The following SLC16A14 variants were observed in gnomAD, a reference collection of about 807,000 sequenced individuals.
The protein encoded by SLC16A14 is monocarboxylate transporter 14.
A neutral mutation model predicts 35.8 loss-of-function variants in SLC16A14; 14 were observed. That is an observed-to-expected ratio of 0.39 (90% CI 0.26 to 0.61). SLC16A14 has a LOEUF of 0.61. SLC16A14 is among the 20% of genes least tolerant of loss of function. SLC16A14 has a pLI of 0.51. For missense variants in SLC16A14, 533 were observed against 655.0 expected (o/e 0.81, Z 2.03); for synonymous variants, 248 against 258.9 (o/e 0.96, Z 0.40).
chr2:230,059,058 C>A, intron 2 of SLC16A14, 36 bp downstream of exon 2: 2 of 1,533,282 alleles, frequency 1.3e-6, no homozygotes, highest in Non-Finnish European at 1.8e-6. Flanking sequence ...CATTTGATAA[C>A]GATTCAGTTT....
At chr2:230,049,725 A>C in intron 3 of SLC16A14, 36 bp downstream of exon 3, 1 of 1,603,042 alleles carries the variant, frequency 6.2e-7, no homozygotes. Context: ...CTTATAAAAC[A>C]TTTAAAATCG....
intron 4 of SLC16A14, among the ~76,000 whole-genome samples, chr2:230,041,264 G>C (rs746295146): frequency 6.6e-6 from 1 of 152,114 alleles, no homozygotes; most frequent in Non-Finnish European, 1.5e-5. Context: ...GGTCAAATCT[G>C]ATGGCTGAGG....
At position 230,046,433 on chromosome 2, in the gene SLC16A14, C is replaced by T. The variant is rs1238160202; in HGVS notation, c.693G>A (p.Ala231=). 1.4e-5 allele frequency: 23 copies of T among 1,614,064 alleles called. No individual in the cohort carries two copies. The highest frequency in any genetic ancestry group is 1.8e-5 in the Non-Finnish European group (21 of 1,180,044). Residue 231 remains alanine (A), a synonymous_variant, in exon 4 of 5, where the codon GCG becomes GCA. Transcript: ENST00000295190. The surrounding 1 kb of genome is among the most constrained non-coding windows in gnomAD (Gnocchi z 5.0). ...TTGACTTCACAGATTCTGTGGAGTG[C>T]GCTGGCAGGCCACGCACATCTTTCT... The part of the protein sequence containing the change: ...PGEKDVRGLP[A]HSTESVKSTG...
At chr2:230,057,346 A>G (rs554077738) in intron 2 of SLC16A14, among the ~76,000 whole-genome samples, 2 of 152,348 alleles carry the variant, frequency 1.3e-5, no homozygotes, top group East Asian at 3.9e-4. Context: ...CAGGTTTAGT[A>G]TCTCCAGCTG....
chr2:230,053,942 G>T (rs2077682628), intron 2 of SLC16A14, among the ~76,000 whole-genome samples: 1 of 152,088 alleles, frequency 6.6e-6, no homozygotes, highest in Admixed American at 6.6e-5. Flanking sequence ...TGAACTCCAG[G>T]TCTCTTAGGG....
In SLC16A14 at chr2:230,067,534, TTCTCTC is replaced by T. The variant is rs145179402; in HGVS notation, c.-15+1015_-15+1020del. On this transcript the variant is annotated intron_variant, in intron 1 of 4. Coordinates refer to ENST00000295190, the MANE Select transcript of SLC16A14 (RefSeq NM_152527.5). ...CCCAACACTGCCTCTCTCCCCTCTC[TTCTCTC>T]TCTCTCTCTCTCTCTCTCTCTCTCT... Among the ~76,000 whole-genome samples, 406 of 128,382 alleles carry T rather than the reference TTCTCTC, an allele frequency of 3.2e-3. 5 individuals carry two copies. The highest frequency in any genetic ancestry group is 8.5e-3 in the African/African-American group (265 of 31,344). 84.2% of individuals were successfully genotyped at this position (128,382 alleles called of 152,430 possible).
intron 2 of SLC16A14, among the ~76,000 whole-genome samples, chr2:230,052,023 G>T (rs1027370398): frequency 5.3e-5 from 8 of 149,940 alleles, no homozygotes; most frequent in Non-Finnish European, 8.8e-5. Flanking sequence ...TGCAAGCTCC[G>T]CCTCCCGGGT....
At chr2:230,056,100 A>AT (rs2077701663) in intron 2 of SLC16A14, among the ~76,000 whole-genome samples, 1 of 152,250 alleles carries the variant, frequency 6.6e-6, no homozygotes, top group Non-Finnish European at 1.5e-5. Flanking sequence ...TCTGACATAC[A>AT]TAATGGTGCC....
chr2:230,035,459 G>T lies in SLC16A14; in HGVS notation c.*1921C>A, dbSNP rs2077513100. 1 of 152,610 alleles carries T rather than the reference G, an allele frequency of 6.6e-6. No individual in the cohort carries two copies. The highest frequency in any genetic ancestry group is 2.4e-5 in the African/African-American group (1 of 41,454). 9.5% of individuals were successfully genotyped at this position (152,610 alleles called of 1,614,324 possible). A position where few individuals can be genotyped will look rare whatever the true frequency, so the allele number is the denominator to read the frequency against. ...GTTGTCGGAAAATGAAAGTAATGAA[G>T]CAATGTAGTTTTTAAAACATACAAC... On this transcript the variant is annotated 3_prime_UTR_variant, in exon 5 of 5. Coordinates refer to ENST00000295190, the MANE Select transcript of SLC16A14 (RefSeq NM_152527.5).
At position 230,046,081 on chromosome 2, in the gene SLC16A14, G is replaced by C. The variant is rs1440665602; in HGVS notation, c.1045C>G (p.Gln349Glu). Residue 349 changes from glutamine to glutamate, a missense_variant, in exon 4 of 5, where the codon CAA becomes GAA. Coordinates refer to ENST00000295190, the MANE Select transcript of SLC16A14 (RefSeq NM_152527.5). The surrounding 1 kb of genome is among the most constrained non-coding windows in gnomAD (Gnocchi z 5.0). The part of the protein sequence containing the change: ...EIVNLYNLSE[Q>E]NDVFPLTSII... ...GACGTCAGAGGGAAAACGTCGTTTT[G>C]CTCCGATAAGTTATACAAATTGACG... The C allele has an allele frequency of 1.2e-6, 2 of 1,614,124 alleles. No homozygotes were observed. Among genetic ancestry groups the C allele is most frequent in the East Asian group, 4.5e-5 (2 of 44,884 alleles).
rs894278478 is a variant in SLC16A14, at chr2:230,046,413, T to C, written c.713A>G (p.Lys238Arg). ...GLPAHSTESV[K>R]STGQQGRTEE... is the part of the protein sequence containing the mutation. ...TGTTCTTCCCTGCTGTCCAGTTGACTTCACAGATTCTGTGGAGTGCGCTGG... is the reference window on the plus strand; with the variant it reads ...TGTTCTTCCCTGCTGTCCAGTTGACCTCACAGATTCTGTGGAGTGCGCTGG... The change falls in exon 4 of 5, where the codon AAG becomes AGG. Residue 238 changes from lysine to arginine, a missense_variant. Physicochemically the swap from Lys to Arg is conservative, Grantham distance 26. Transcript: ENST00000295190. The surrounding 1 kb of genome is among the most constrained non-coding windows in gnomAD (Gnocchi z 5.0). 1 of 1,614,242 alleles carries C rather than the reference T, an allele frequency of 6.2e-7. No homozygotes were observed. The highest frequency in any genetic ancestry group is 1.7e-5 in the Admixed American group (1 of 60,032).
intron 1 of SLC16A14, among the ~76,000 whole-genome samples, chr2:230,062,332 TTTTG>T (rs779469745): frequency 6.7e-6 from 1 of 149,538 alleles, no homozygotes; most frequent in Non-Finnish European, 1.5e-5. Context: ...GTTAAGAATT[TTTTG>T]TTTGTTTTTA....
chr2:230,058,149 T>C (rs1388021063), intron 2 of SLC16A14: 1 of 152,084 alleles, frequency 6.6e-6, no homozygotes, highest in Non-Finnish European at 1.5e-5. Context: ...AGATTTATAA[T>C]GGTACATAAT....
chr2:230,048,963 G>A (rs2077633144), intron 3 of SLC16A14, among the ~76,000 whole-genome samples: 1 of 144,598 alleles, frequency 6.9e-6, no homozygotes, highest in South Asian at 2.2e-4. Context: ...TTATTAAAGA[G>A]TAAATGAACG....
At chr2:230,052,095 C>T (rs891695178) in intron 2 of SLC16A14, among the ~76,000 whole-genome samples, 1 of 152,068 alleles carries the variant, frequency 6.6e-6, no homozygotes, top group Non-Finnish European at 1.5e-5. Flanking sequence ...CGCCACCATG[C>T]CTGGCTAATT....
chr2:230,045,834 T>G lies in SLC16A14; in HGVS notation c.1292A>C (p.Asp431Ala). ...GGCCAGGTGTTCAATGCCAACCAAG[T>G]CTTCAGTCACTACGGGCATTAGGGA... ...YFSLMPVVTE[D>A]LVGIEHLANA... Residue 431 changes from aspartate (D) to alanine (A), a missense_variant, in exon 4 of 5, where the codon GAC becomes GCC. Coordinates refer to ENST00000295190, the MANE Select transcript of SLC16A14 (RefSeq NM_152527.5). 6.2e-7 allele frequency: 1 copy of G among 1,614,130 alleles called. No homozygotes were observed. Among genetic ancestry groups the G allele is most frequent in the East Asian group, 2.2e-5 (1 of 44,868 alleles).
At chr2:230,049,434 C>T (rs1460661944) in intron 3 of SLC16A14, among the ~76,000 whole-genome samples, 1 of 152,064 alleles carries the variant, frequency 6.6e-6, no homozygotes, top group Non-Finnish European at 1.5e-5. Flanking sequence ...AATCTTTGGT[C>T]CATTCACCTA....
rs371357852 is a variant in SLC16A14, at chr2:230,038,837, G to A, written c.1382-1306C>T. 3.3e-5 allele frequency among the ~76,000 whole-genome samples: 5 copies of A among 152,130 alleles called. No homozygotes were observed. In the East Asian group the frequency reaches 9.6e-4, roughly 29 times the overall value. On this transcript the variant is annotated intron_variant, in intron 4 of 4. Coordinates refer to ENST00000295190, the MANE Select transcript of SLC16A14 (RefSeq NM_152527.5). This position sits in a 1 kb window ranked among gnomAD's most constrained non-coding sequence, Gnocchi z 4.4. The stretch of plus-strand genomic sequence containing the variant: ...CATGAGAATTGCTGGAACCCAGGAG[G>A]CAGAGGTTGCAGTGAGCTGAGATCG...
intron 2 of SLC16A14, among the ~76,000 whole-genome samples, chr2:230,052,913 C>A (rs370521558): frequency 1.3e-5 from 2 of 149,768 alleles, no homozygotes; most frequent in Admixed American, 6.7e-5. Context: ...CCTCCTCCCC[C>A]CCTTCCTTCC....
Sources: allele counts gnomAD v4.1 joint callset (sites outside exome capture counted in the v4.1 genomes callset), GRCh38; gene constraint gnomAD v4.1.1; non-coding constraint Gnocchi (gnomAD v3.1); transcripts MANE v1.5; gene names NCBI Gene and HGNC (gene_info 2026-07-23, HGNC 2026-07-21).